HABP2: variants seen among roughly 807,000 people sequenced by gnomAD.
HABP2 encodes the protein factor VII-activating protease.
Under a neutral mutation model 66.5 loss-of-function variants are expected in HABP2, and 65 were observed. That is an observed-to-expected ratio of 0.98 (90% confidence interval 0.80 to 1.20). The LOEUF (loss-of-function observed/expected upper bound fraction) is 1.20, where lower values mean the gene tolerates loss of function less well. Among genes scored for constraint, HABP2 ranks in the 50% most tolerant of loss-of-function variants. HABP2 has a pLI of 0.00. For synonymous variants in HABP2, 263 were observed against 253.9 expected (o/e 1.04, Z -0.34); for missense variants, 786 against 691.0 (o/e 1.14, Z -1.54).
rs373951088 is a variant in HABP2, at chr10:113,567,487, A to T, written c.70-2A>T. On this transcript the variant is annotated splice_acceptor_variant, in intron 1 of 12. Transcript: ENST00000351270. LOFTEE classifies it high-confidence loss of function. Reference sequence around the variant, plus strand: ...GATCTGCTGTGTTGTTTTGTTTTTCAGTTCTCCCTGATGTCTTTATTGGAA... The same window carrying T: ...GATCTGCTGTGTTGTTTTGTTTTTCTGTTCTCCCTGATGTCTTTATTGGAA... 1 of 1,611,708 alleles carries T rather than the reference A, an allele frequency of 6.2e-7. No individual in the cohort carries two copies. The highest frequency in any genetic ancestry group is 8.5e-7 in the Non-Finnish European group (1 of 1,177,816).
chr10:113,556,088 G>A (rs746904847), intron 1 of HABP2, among the ~76,000 whole-genome samples: 2 of 152,152 alleles, frequency 1.3e-5, no homozygotes, highest in Non-Finnish European at 2.9e-5. Context: ...TTAAAACAAT[G>A]TTTACATTTC....
intron 2 of HABP2, chr10:113,570,134 G>A (rs1001529333): frequency 6.6e-6 from 1 of 152,194 alleles, no homozygotes; most frequent in African/African-American, 2.4e-5. Flanking sequence ...ATCGTAAAAA[G>A]GCAAATAAAA....
At chr10:113,573,803 A>G (rs1308974807) in intron 2 of HABP2, among the ~76,000 whole-genome samples, 2 of 152,226 alleles carry the variant, frequency 1.3e-5, no homozygotes, top group African/African-American at 4.8e-5. Flanking sequence ...CTTTGATTTC[A>G]TTCAGCTTGG....
At chr10:113,587,959 C>A (rs1845686762) in intron 12 of HABP2, among the ~76,000 whole-genome samples, 1 of 151,940 alleles carries the variant, frequency 6.6e-6, no homozygotes, top group African/African-American at 2.4e-5. Flanking sequence ...TTGGGAAGTG[C>A]AGCTGTGCGG....
chr10:113,555,192 G>C (rs1844969464), intron 1 of HABP2, among the ~76,000 whole-genome samples: 1 of 152,212 alleles, frequency 6.6e-6, no homozygotes, highest in Non-Finnish European at 1.5e-5. Flanking sequence ...TCTCTGGAAG[G>C]ACCCCAAGAA....
chr10:113,552,555 A>C (rs1228279309), upstream of HABP2, among the ~76,000 whole-genome samples: 1 of 152,238 alleles, frequency 6.6e-6, no homozygotes, highest in Admixed American at 6.5e-5. Flanking sequence ...GCCAACAAGC[A>C]ACTGTGGGCA....
rs763397404 is a variant in HABP2 at position 113,588,366 on chromosome 10, C to A, written c.1680C>A (p.Phe560Leu). The A allele has an allele frequency of 6.2e-7, 1 of 1,611,164 alleles. No individual in the cohort carries two copies. Among genetic ancestry groups the A allele is most frequent in the Non-Finnish European group, 8.5e-7 (1 of 1,178,340 alleles). The change falls in exon 13 of 13, where the codon TTC becomes TTA. Residue 560 changes from phenylalanine to leucine, a missense_variant. By Grantham distance (22) the Phe-to-Leu change is conservative (BLOSUM62 0). Transcript: ENST00000351270. ...CCACCATCAAAAGTGAAAGTGGCTT[C>A]TAAGGTACTGTCTTCTGGACCTCAG... ...IKATIKSESG[F>L]
At chr10:113,568,393 A>G (rs1010870677) in intron 2 of HABP2, among the ~76,000 whole-genome samples, 5 of 152,254 alleles carry the variant, frequency 3.3e-5, no homozygotes, top group Non-Finnish European at 7.3e-5. Flanking sequence ...TGGCACAAAG[A>G]TGGCAGTAAC....
chr10:113,565,592 A>T (rs946105997), intron 1 of HABP2, among the ~76,000 whole-genome samples: 1 of 152,206 alleles, frequency 6.6e-6, no homozygotes, highest in Non-Finnish European at 1.5e-5. Context: ...TTTGTAATGG[A>T]TCCACCCCTA....
rs746765399 is a variant in HABP2, at chr10:113,553,195, G to A, written c.69+5G>A. The A allele has an allele frequency of 6.2e-7, 1 of 1,604,068 alleles. No individual in the cohort carries two copies. Among genetic ancestry groups the A allele is most frequent in the East Asian group, 2.2e-5 (1 of 44,820 alleles). On this transcript the variant is annotated splice_donor_5th_base_variant and intron_variant, in intron 1 of 12. Transcript: ENST00000351270. ...GTGGGAAAGACAGCCTGTGGGGTAAGTGTTCTTTTCTAATATTTGTAGTTG... is the reference window on the plus strand; with the variant it reads ...GTGGGAAAGACAGCCTGTGGGGTAAATGTTCTTTTCTAATATTTGTAGTTG...
chr10:113,577,439 G>C (rs1360223930), intron 5 of HABP2, among the ~76,000 whole-genome samples, 173 bp downstream of exon 5: 1 of 152,140 alleles, frequency 6.6e-6, no homozygotes, highest in Non-Finnish European at 1.5e-5. Flanking sequence ...CACCCAGTGG[G>C]AATTGACTGG....
intron 1 of HABP2, among the ~76,000 whole-genome samples, chr10:113,563,767 C>T (rs1845144780): frequency 6.6e-6 from 1 of 152,292 alleles, no homozygotes; most frequent in African/African-American, 2.4e-5. Flanking sequence ...GGAAGGATGT[C>T]CCTCAAAGTC....
At chr10:113,571,488 A>C (rs1845310724) in intron 2 of HABP2, among the ~76,000 whole-genome samples, 1 of 151,996 alleles carries the variant, frequency 6.6e-6, no homozygotes, top group South Asian at 2.1e-4. Flanking sequence ...TCCTTCCATC[A>C]CACATGCTAT....
intron 11 of HABP2, 129 bp from the exon 12 acceptor site, chr10:113,585,664 A>G: frequency 1.4e-6 from 1 of 699,792 alleles, no homozygotes; most frequent in East Asian, 2.6e-5. Flanking sequence ...TTCTGCCCAT[A>G]TCCTGGAAAA....
At position 113,563,579 on chromosome 10, in the gene HABP2, T is replaced by TC. The variant is rs1423592123; in HGVS notation, c.70-3909dup. Reference sequence around the variant, plus strand: ...CCCCGAGAGCCCAGCCCAGGAAGTCTCGGCTTTCTTTTTGTTTGGTTTCCC... The same window carrying TC: ...CCCCGAGAGCCCAGCCCAGGAAGTCTCCGGCTTTCTTTTTGTTTGGTTTCCC... On this transcript the variant is annotated intron_variant, in intron 1 of 12. Coordinates refer to ENST00000351270, the MANE Select transcript of HABP2 (RefSeq NM_004132.5). Among the ~76,000 whole-genome samples the TC allele has an allele frequency of 6.0e-5, 8 of 132,636 alleles. No individual in the cohort carries two copies. In the East Asian group the frequency reaches 2.1e-3, roughly 35 times the overall value. 87.0% of individuals were successfully genotyped at this position (132,636 alleles called of 152,430 possible).
At chr10:113,574,097 C>T (rs988546681) in intron 2 of HABP2, among the ~76,000 whole-genome samples, 192 bp from the exon 3 acceptor site, 2 of 152,182 alleles carry the variant, frequency 1.3e-5, no homozygotes, top group African/African-American at 4.8e-5. Context: ...CGGGTCATAG[C>T]GTCCCCCAAG....
In HABP2 at chr10:113,577,206, A is replaced by G. The variant is rs1219893604; in HGVS notation, c.388A>G (p.Ser130Gly). ...CGRGQCLITQSPPYYRCVCKH... is the reference protein window; with the variant it reads ...CGRGQCLITQGPPYYRCVCKH... ...CCGGGGCCAATGTCTCATTACCCAG[A>G]GTCCTCCCTACTACCGCTGTGTCTG... Residue 130 changes from serine to glycine, a missense_variant, in exon 5 of 13, where the codon AGT (serine) becomes GGT (glycine). Transcript: ENST00000351270. The G allele has an allele frequency of 6.2e-7, 1 of 1,613,494 alleles. No individual in the cohort carries two copies. Among genetic ancestry groups the G allele is most frequent in the Admixed American group, 1.7e-5 (1 of 60,024 alleles).
intron 2 of HABP2, among the ~76,000 whole-genome samples, chr10:113,568,229 C>T (rs535518350): frequency 1.2e-4 from 19 of 152,314 alleles, no homozygotes; most frequent in South Asian, 6.2e-4. Flanking sequence ...AGCTCTGAGC[C>T]GCAGTGGAGA....
intron 11 of HABP2, 93 bp from the exon 12 acceptor site, chr10:113,585,700 G>A: frequency 1.1e-6 from 1 of 914,438 alleles, no homozygotes; most frequent in Non-Finnish European, 1.8e-6. Context: ...GCTAAGAGTT[G>A]GTGGGCTTCT....
Sources: allele counts gnomAD v4.1 joint callset (sites outside exome capture counted in the v4.1 genomes callset), GRCh38; gene constraint gnomAD v4.1.1; transcripts MANE v1.5; gene names NCBI Gene and HGNC (gene_info 2026-07-23, HGNC 2026-07-21).